Variants in PRKCB observed in about 807,000 individuals in gnomAD.
PRKCB encodes protein kinase C beta type.
A neutral mutation model predicts 81.5 loss-of-function variants in PRKCB; 13 were observed. The observed-to-expected ratio is 0.16, with a 90% CI of 0.10 to 0.25. The LOEUF (loss-of-function observed/expected upper bound fraction) is 0.25. PRKCB is among the 10% of genes least tolerant of loss of function. PRKCB has a pLI of 1.00. For synonymous variants in PRKCB, 335 were observed against 321.4 expected, an observed-to-expected ratio of 1.04 and a Z score of -0.45; for missense variants, 509 against 875.7, an observed-to-expected ratio of 0.58 and a Z score of 5.29.
chr16:23,887,394 G>T (rs1963220641), intron 2 of PRKCB, among the ~76,000 whole-genome samples: 1 of 152,102 alleles, frequency 6.6e-6, no homozygotes, highest in Non-Finnish European at 1.5e-5. Flanking sequence ...TTCCATATTT[G>T]TGTCTGTGTA....
chr16:24,203,625 T>A (rs1967998725), intron 16 of PRKCB, among the ~76,000 whole-genome samples: 1 of 152,130 alleles, frequency 6.6e-6, no homozygotes, highest in South Asian at 2.1e-4. Flanking sequence ...CCACAAAGAC[T>A]TCCAGTGACA....
At chr16:24,151,910 C>T in intron 9 of PRKCB, 1 of 454,656 alleles carries the variant, frequency 2.2e-6, no homozygotes. Context: ...GGGGGAAATT[C>T]CCAGCCATTC....
intron 9 of PRKCB, among the ~76,000 whole-genome samples, chr16:24,140,065 T>C (rs900269057): frequency 6.6e-6 from 1 of 152,244 alleles, no homozygotes; most frequent in Non-Finnish European, 1.5e-5. Flanking sequence ...GCTTCCTCTT[T>C]ACTGCTAGAG....
intron 3 of PRKCB, among the ~76,000 whole-genome samples, chr16:23,999,303 G>T (rs1286223110): frequency 6.6e-6 from 1 of 152,244 alleles, no homozygotes; most frequent in East Asian, 1.9e-4. Context: ...CCACGATAAA[G>T]GATGTGCTTG....
rs373671755 is a variant in PRKCB at position 24,177,076 on chromosome 16, A to G, written c.1394+2496A>G. The stretch of plus-strand genomic sequence containing the variant: ...CTCCTATGTGGGATGTGCCTCTACT[A>G]AAATAGAACCAACTGGGTTCTTGAG... On this transcript the variant is annotated intron_variant, in intron 12 of 16. Transcript: ENST00000643927. Among the ~76,000 whole-genome samples the G allele has an allele frequency of 3.2e-4, 48 of 152,300 alleles. No individual in the cohort carries two copies. In the South Asian group the frequency reaches 6.6e-3, roughly 21 times the overall value.
intron 9 of PRKCB, among the ~76,000 whole-genome samples, chr16:24,129,797 T>C (rs1966850679): frequency 2.0e-5 from 3 of 152,250 alleles, no homozygotes. Flanking sequence ...TGGAACATTA[T>C]GATTGGCAAT....
intron 2 of PRKCB, among the ~76,000 whole-genome samples, chr16:23,959,496 ACT>A (rs1287964817): frequency 6.6e-6 from 1 of 152,204 alleles, no homozygotes; most frequent in African/African-American, 2.4e-5. Context: ...AGTGGGAGTG[ACT>A]CTGATGTTTC....
chr16:23,921,224 A>G (rs1404484303), intron 2 of PRKCB, among the ~76,000 whole-genome samples: 3 of 152,218 alleles, frequency 2.0e-5, no homozygotes, highest in Non-Finnish European at 4.4e-5. Context: ...GTGCCCAAGT[A>G]GTAGAGGGCT....
At chr16:24,138,824 G>C (rs1033413791) in intron 9 of PRKCB, among the ~76,000 whole-genome samples, 1 of 143,008 alleles carries the variant, frequency 7.0e-6, no homozygotes, top group African/African-American at 2.6e-5. Flanking sequence ...TTCCACATAT[G>C]TGAGATCATA....
chr16:24,206,489 A>G (rs978621264), intron 16 of PRKCB, among the ~76,000 whole-genome samples: 2 of 152,176 alleles, frequency 1.3e-5, no homozygotes, highest in East Asian at 3.8e-4. Flanking sequence ...GCCTCATGTT[A>G]TCAAAGTCGG....
intron 1 of PRKCB, chr16:23,837,093 TG>T: frequency 1.9e-6 from 1 of 517,838 alleles, no homozygotes; most frequent in Non-Finnish European, 3.5e-6. Context: ...TGGGTACATC[TG>T]TCGCCTGCCT....
At chr16:23,933,879 T>C (rs1306469226) in intron 2 of PRKCB, among the ~76,000 whole-genome samples, 1 of 124,714 alleles carries the variant, frequency 8.0e-6, no homozygotes, top group Non-Finnish European at 1.6e-5. Context: ...CATCCATCCA[T>C]CATCTTGTTT....
At chr16:24,186,151 G>C (rs892530424) in intron 15 of PRKCB, among the ~76,000 whole-genome samples, 1 of 152,186 alleles carries the variant, frequency 6.6e-6, no homozygotes, top group Admixed American at 6.5e-5. Context: ...CAGGGCACCT[G>C]TGAAGAAAGC....
chr16:23,915,689 C>CAAAAAAAAAAAAAAAA (rs71154259), intron 2 of PRKCB, among the ~76,000 whole-genome samples: 20 of 54,540 alleles, frequency 3.7e-4, no homozygotes, highest in East Asian at 6.9e-4. Flanking sequence ...GACTCTCTAT[C>CAAAAAAAAAAAAAAAA]AAAAAAAAAA....
chr16:24,122,583 C>T (rs1248725094), intron 8 of PRKCB, among the ~76,000 whole-genome samples: 1 of 151,860 alleles, frequency 6.6e-6, no homozygotes, highest in Non-Finnish European at 1.5e-5. Context: ...CCTTGGCCTC[C>T]CAGGTAGCTG....
chr16:24,054,668 G>C (rs971926085), intron 5 of PRKCB, among the ~76,000 whole-genome samples: 2 of 152,192 alleles, frequency 1.3e-5, no homozygotes, highest in African/African-American at 2.4e-5. Flanking sequence ...TTCTGAGAGG[G>C]AGGAAAAGGT....
intron 7 of PRKCB, among the ~76,000 whole-genome samples, chr16:24,097,926 C>A (rs1298688715): frequency 6.6e-6 from 1 of 152,160 alleles, no homozygotes; most frequent in African/African-American, 2.4e-5. Flanking sequence ...AGGTAGCAGG[C>A]TTCAGAGAGA....
At chr16:23,855,965 G>A (rs1962559427) in intron 2 of PRKCB, among the ~76,000 whole-genome samples, 1 of 152,182 alleles carries the variant, frequency 6.6e-6, no homozygotes, top group Non-Finnish European at 1.5e-5. Flanking sequence ...TTTTGAGGGG[G>A]CTGCATTTGG....
intron 2 of PRKCB, among the ~76,000 whole-genome samples, chr16:23,877,006 A>G (rs1306583644): frequency 6.6e-6 from 1 of 152,154 alleles, no homozygotes; most frequent in African/African-American, 2.4e-5. Context: ...AGGGATGGAC[A>G]GAGATGTGAA....
Sources: gnomAD v4.1 joint callset for allele counts (sites outside exome capture counted in the v4.1 genomes callset) on GRCh38, gnomAD v4.1.1 for gene constraint, MANE v1.5 for transcripts, NCBI Gene and HGNC (gene_info 2026-07-23, HGNC 2026-07-21) for gene names.